Variants in PRSS3 observed in about 807,000 individuals in gnomAD.
The protein encoded by PRSS3 is trypsin-3.
In PRSS3, 14 loss-of-function variants were observed where a neutral mutation model predicts 20.8. The observed-to-expected ratio is 0.67, with a 90% CI of 0.44 to 1.05. The LOEUF (loss-of-function observed/expected upper bound fraction) is 1.05. Ranked by LOEUF, PRSS3 falls within the 50% of genes least tolerant of loss-of-function variation. PRSS3 has a pLI of 0.00. For synonymous variants in PRSS3, 91 were observed against 117.6 expected, an observed-to-expected ratio of 0.77 and a Z score of 1.46; for missense variants, 237 against 306.4, an observed-to-expected ratio of 0.77 and a Z score of 1.69.
chr9:33,760,420 C>A (rs1411496482), intron 1 of PRSS3, among the ~76,000 whole-genome samples: 1 of 151,978 alleles, frequency 6.6e-6, no homozygotes, highest in Non-Finnish European at 1.5e-5. Context: ...TTTGGAAGAG[C>A]CATGGAGAGT....
In PRSS3 at chr9:33,782,972, C is replaced by G. The variant is rs139838935; in HGVS notation, c.-52-11774C>G. 5.9e-3 allele frequency among the ~76,000 whole-genome samples: 895 copies of G among 152,264 alleles called. 3 individuals carry two copies. Among genetic ancestry groups the G allele is most frequent in the Non-Finnish European group, 8.2e-3 (559 of 68,020 alleles). Reference sequence around the variant, plus strand: ...TGCGAAAACCTGGAGACATCTTGAACGTCCATCTACAGGAAGTGGCTAAAC... The same window carrying G: ...TGCGAAAACCTGGAGACATCTTGAAGGTCCATCTACAGGAAGTGGCTAAAC... On this transcript the variant is annotated intron_variant, in intron 1 of 5. Coordinates refer to the PRSS3 transcript ENST00000342836.
intron 1 of PRSS3, among the ~76,000 whole-genome samples, chr9:33,783,304 T>G (rs1213618231): frequency 6.6e-6 from 1 of 152,340 alleles, no homozygotes; most frequent in Admixed American, 6.5e-5. Context: ...TCAAAACTTG[T>G]TTAACAGTAT....
At chr9:33,786,220 G>T in intron 1 of PRSS3, 1 of 526,550 alleles carries the variant, frequency 1.9e-6, no homozygotes, top group Non-Finnish European at 3.4e-6. Flanking sequence ...ATCACTTGAA[G>T]ATGCTGTCTC....
chr9:33,770,987 C>G (rs1823662655), intron 1 of PRSS3, among the ~76,000 whole-genome samples: 1 of 152,136 alleles, frequency 6.6e-6, no homozygotes, highest in Non-Finnish European at 1.5e-5. Context: ...AATTGAAAGG[C>G]AAACCTGTAG....
upstream of PRSS3, among the ~76,000 whole-genome samples, chr9:33,794,533 A>T (rs376434424): frequency 1.6e-4 from 24 of 152,256 alleles, no homozygotes; most frequent in Non-Finnish European, 2.9e-4. Context: ...TAAAATAGAA[A>T]ATTCTAGACC....
At chr9:33,767,205 A>G (rs1485954262) in intron 1 of PRSS3, among the ~76,000 whole-genome samples, 20 of 152,228 alleles carry the variant, frequency 1.3e-4, no homozygotes, top group Admixed American at 1.3e-3. Context: ...CTGTAATCCC[A>G]GCAATTTGGG....
chr9:33,788,146 C>T (rs1481879106), intron 1 of PRSS3, among the ~76,000 whole-genome samples: 3 of 152,222 alleles, frequency 2.0e-5, no homozygotes, highest in Non-Finnish European at 4.4e-5. Flanking sequence ...GACAGTTCCT[C>T]CTTATCTCAG....
At chr9:33,763,190 A>G (rs1187243959) in intron 1 of PRSS3, among the ~76,000 whole-genome samples, 1 of 152,226 alleles carries the variant, frequency 6.6e-6, no homozygotes, top group Non-Finnish European at 1.5e-5. Flanking sequence ...TGAAACTAAG[A>G]TAACAGTTGA....
At chr9:33,791,397 C>T (rs1824624370), upstream of PRSS3, among the ~76,000 whole-genome samples, 2 of 152,176 alleles carry the variant, frequency 1.3e-5, no homozygotes, top group African/African-American at 2.4e-5. Context: ...ATGACTGACC[C>T]GTTGGCTGCC....
chr9:33,761,260 T>C (rs1485161321), intron 1 of PRSS3, among the ~76,000 whole-genome samples: 6 of 152,244 alleles, frequency 3.9e-5, no homozygotes, highest in Non-Finnish European at 8.8e-5. Flanking sequence ...ATACGCACTG[T>C]TAGCAGATGC....
chr9:33,778,048 A>T (rs74306972), intron 1 of PRSS3, among the ~76,000 whole-genome samples: 1 of 10,876 alleles, frequency 9.2e-5, no homozygotes, highest in Non-Finnish European at 2.0e-4. Context: ...GTCTAACATT[A>T]AAAAAATCAA....
In PRSS3 at chr9:33,750,799, A is replaced by G. The variant is rs1822653563; in HGVS notation, c.-53+72A>G. On this transcript the variant is annotated intron_variant, in intron 1 of 5. Transcript: ENST00000342836. The surrounding 1 kb of genome is among the most constrained non-coding windows in gnomAD (Gnocchi z 4.8). The stretch of plus-strand genomic sequence containing the variant: ...GAAGGGAGAGGGAGCCCCGCCAAGG[A>G]GCGGGGCTGTGATGGAGAGGGGGTT... 3 of 1,408,940 alleles carry G rather than the reference A, an allele frequency of 2.1e-6. No homozygotes were observed. In the African/African-American group the frequency reaches 4.6e-5, roughly 21 times the overall value. 87.3% of individuals were successfully genotyped at this position (1,408,940 alleles called of 1,614,324 possible). A position where few individuals can be genotyped will look rare whatever the true frequency, so the allele number is the denominator to read the frequency against.
chr9:33,778,111 T>C (rs1824022917), intron 1 of PRSS3, among the ~76,000 whole-genome samples: 1 of 152,104 alleles, frequency 6.6e-6, no homozygotes, highest in Non-Finnish European at 1.5e-5. Flanking sequence ...TGATTATACC[T>C]ACAGATAGAA....
intron 1 of PRSS3, among the ~76,000 whole-genome samples, chr9:33,757,295 T>C (rs943118312): frequency 2.0e-5 from 3 of 152,236 alleles, no homozygotes; most frequent in African/African-American, 7.2e-5. Flanking sequence ...TGAATACATG[T>C]ACAACTAATT....
Position 33,770,187 on chromosome 9 carries a change from G to T in PRSS3, c.-53+19460G>T, listed in dbSNP as rs1172419617. Among the ~76,000 whole-genome samples the T allele has an allele frequency of 2.6e-5, 4 of 152,152 alleles. No individual in the cohort carries two copies. The South Asian group carries it at 6.2e-4, about 24-fold the overall frequency. ...AATTGAACGGAATTTGCCCTACCAG[G>T]TTCCAGGACAGGAGATCCATGACCA... On this transcript the variant is annotated intron_variant, in intron 1 of 5. Coordinates refer to the PRSS3 transcript ENST00000342836.
chr9:33,755,151 C>T (rs145474111), intron 1 of PRSS3, among the ~76,000 whole-genome samples: 2,088 of 152,168 alleles, frequency 0.014, 55 homozygotes, highest in African/African-American at 0.047. Context: ...CAGGTGGTTG[C>T]GGGAATACAT....
intron 2 of PRSS3, among the ~76,000 whole-genome samples, chr9:33,797,102 G>A (rs1050506433): frequency 1.3e-5 from 2 of 152,262 alleles, no homozygotes; most frequent in East Asian, 1.9e-4. Flanking sequence ...TGAAAATACT[G>A]ATGCCTGTGT....
In PRSS3 at chr9:33,750,714, G is replaced by A; in HGVS notation, c.-66G>A. Reference sequence around the variant, plus strand: ...CGGCGCGGGATGCAGACGGCTGCGAGGCGCTGGGCACAGGTCAGACGTCAG... The same window carrying A: ...CGGCGCGGGATGCAGACGGCTGCGAAGCGCTGGGCACAGGTCAGACGTCAG... On this transcript the variant is annotated 5_prime_UTR_variant, in exon 1 of 6. Transcript: ENST00000342836. This position sits in a 1 kb window ranked among gnomAD's most constrained non-coding sequence, Gnocchi z 4.8. 6.9e-7 allele frequency: 1 copy of A among 1,447,408 alleles called. No individual in the cohort carries two copies. 89.7% of individuals were successfully genotyped at this position (1,447,408 alleles called of 1,614,324 possible).
At chr9:33,765,761 A>G (rs1823385338) in intron 1 of PRSS3, among the ~76,000 whole-genome samples, 1 of 152,236 alleles carries the variant, frequency 6.6e-6, no homozygotes, top group Non-Finnish European at 1.5e-5. Context: ...GTTTTGGACC[A>G]CAGTTGACTG....
Sources: gnomAD v4.1 joint callset for allele counts (sites outside exome capture counted in the v4.1 genomes callset) on GRCh38, gnomAD v4.1.1 for gene constraint, Gnocchi (gnomAD v3.1) non-coding constraint, MANE v1.5 for transcripts, NCBI Gene and HGNC (gene_info 2026-07-23, HGNC 2026-07-21) for gene names.